The following ENTHD1 variants were observed in gnomAD, a reference collection of about 807,000 sequenced individuals.
The protein encoded by ENTHD1 is ENTH domain-containing protein 1.
In ENTHD1, 23 loss-of-function variants were observed where a neutral mutation model predicts 39.1. The ratio of observed to expected loss-of-function variants is 0.59; its 90% CI spans 0.42 to 0.83. The LOEUF (loss-of-function observed/expected upper bound fraction) is 0.83. Among genes scored for constraint, ENTHD1 ranks in the 40% least tolerant of loss-of-function variants. The probability of loss-of-function intolerance (pLI) is 0.00; values close to 1 mark genes in which losing one functional copy is unlikely to be tolerated. For synonymous variants in ENTHD1, 230 were observed against 258.2 expected (o/e 0.89, Z 1.05); for missense variants, 624 against 705.4 (o/e 0.88, Z 1.31).
At chr22:39,878,059 T>G (rs1435669330) in intron 2 of ENTHD1, among the ~76,000 whole-genome samples, 1 of 152,182 alleles carries the variant, frequency 6.6e-6, no homozygotes, top group Non-Finnish European at 1.5e-5. Context: ...ACAGATAATG[T>G]GGACAGCATG....
At position 39,878,495 on chromosome 22, in the gene ENTHD1, C is replaced by CA. The variant is rs753987042; in HGVS notation, c.349+8904dup. 1.3e-3 allele frequency among the ~76,000 whole-genome samples: 147 copies of CA among 114,336 alleles called. 1 individual carries two copies. The highest frequency in any genetic ancestry group is 5.2e-3 in the East Asian group (21 of 4,030). The allele number at this position is 114,336 out of a possible 152,430, so 75.0% of individuals were successfully genotyped here. A position where few individuals can be genotyped will look rare whatever the true frequency, so the allele number is the denominator to read the frequency against. ...GCAGGATAAATGGAAATTTTTTTTT[C>CA]AAAAAAAAAAAAATACTCCTGAAAG... On this transcript the variant is annotated intron_variant, in intron 2 of 6. Coordinates refer to ENST00000325157, the MANE Select transcript of ENTHD1 (RefSeq NM_152512.4).
chr22:39,872,500 C>T (rs1158566531), intron 2 of ENTHD1, among the ~76,000 whole-genome samples: 4 of 152,136 alleles, frequency 2.6e-5, no homozygotes, highest in African/African-American at 9.7e-5. Context: ...AACAACCTCC[C>T]CCCACTGCCC....
intron 6 of ENTHD1, among the ~76,000 whole-genome samples, chr22:39,759,699 T>C (rs1388389671): frequency 6.6e-6 from 1 of 152,090 alleles, no homozygotes; most frequent in Admixed American, 6.5e-5. Context: ...CTTTCTCATA[T>C]AAGCATTTAA....
chr22:39,892,473 G>A (rs1008642123), intron 1 of ENTHD1, among the ~76,000 whole-genome samples: 1 of 152,240 alleles, frequency 6.6e-6, no homozygotes, highest in South Asian at 2.1e-4. Context: ...AAGGTGTGGA[G>A]CTGCTCTGAA....
intron 6 of ENTHD1, among the ~76,000 whole-genome samples, chr22:39,753,775 C>T (rs951378080): frequency 1.3e-5 from 2 of 152,124 alleles, no homozygotes; most frequent in African/African-American, 4.8e-5. Flanking sequence ...CTGAGTAGTC[C>T]CTAGAACATG....
In ENTHD1 at chr22:39,884,908, G is replaced by A. The variant is rs527605179; in HGVS notation, c.349+2492C>T. On this transcript the variant is annotated intron_variant, in intron 2 of 6. Transcript: ENST00000325157. ...AACTATAAATGTCTTAGAAAAGATAGGTATAAATCTTCATGTTCTTGTATT... is the reference window on the plus strand; with the variant it reads ...AACTATAAATGTCTTAGAAAAGATAAGTATAAATCTTCATGTTCTTGTATT... Among the ~76,000 whole-genome samples the A allele has an allele frequency of 3.9e-5, 6 of 152,284 alleles. No individual in the cohort carries two copies. The East Asian group carries it at 1.2e-3, about 29-fold the overall frequency.
At chr22:39,773,187 C>CATATTT (rs2065341428) in intron 5 of ENTHD1, among the ~76,000 whole-genome samples, 1 of 143,358 alleles carries the variant, frequency 7.0e-6, no homozygotes, top group African/African-American at 2.6e-5. Context: ...CCAACTAAGT[C>CATATTT]ATATTTAGAG....
intron 3 of ENTHD1, among the ~76,000 whole-genome samples, chr22:39,838,887 A>G (rs1207283522): frequency 1.3e-5 from 2 of 152,160 alleles, no homozygotes; most frequent in Non-Finnish European, 2.9e-5. Flanking sequence ...ATATGACTTC[A>G]GAGAGAAAAG....
At chr22:39,819,799 G>T (rs934150618) in intron 5 of ENTHD1, among the ~76,000 whole-genome samples, 24 of 152,186 alleles carry the variant, frequency 1.6e-4, no homozygotes, top group African/African-American at 5.8e-4. Flanking sequence ...CTCTGGTGTG[G>T]AACAGGGGTA....
intron 3 of ENTHD1, among the ~76,000 whole-genome samples, chr22:39,851,568 T>C (rs1337593101): frequency 2.0e-5 from 3 of 152,234 alleles, no homozygotes; most frequent in Non-Finnish European, 2.9e-5. Flanking sequence ...GAAAATCCTA[T>C]TGGACTTAAC....
intron 4 of ENTHD1, 40 bp from the exon 5 acceptor site, chr22:39,821,153 A>AT (rs1241485540): frequency 6.2e-7 from 1 of 1,609,434 alleles, no homozygotes; most frequent in Non-Finnish European, 8.5e-7. Flanking sequence ...GAAGAAAAAA[A>AT]TTAATATCCC....
chr22:39,811,910 C>T (rs961549643), intron 5 of ENTHD1, among the ~76,000 whole-genome samples: 17 of 151,822 alleles, frequency 1.1e-4, no homozygotes, highest in East Asian at 3.9e-4. Context: ...ACCCGGGAGG[C>T]GCAGCTTGCA....
In ENTHD1 at chr22:39,816,458, G is replaced by A. The variant is rs907091312; in HGVS notation, c.832+4535C>T. Among the ~76,000 whole-genome samples, 12 of 152,252 alleles carry A rather than the reference G, an allele frequency of 7.9e-5. No homozygotes were observed. The East Asian group carries it at 1.5e-3, about 20-fold the overall frequency. ...ATAGTATACATTAACACTATGGTAC[G>A]CTGTTATAGTTGTTGCAAAAAATTA... On this transcript the variant is annotated intron_variant, in intron 5 of 6. Coordinates refer to ENST00000325157, the MANE Select transcript of ENTHD1 (RefSeq NM_152512.4).
intron 6 of ENTHD1, among the ~76,000 whole-genome samples, chr22:39,759,038 G>T (rs184323516): frequency 4.6e-5 from 7 of 152,066 alleles, no homozygotes; most frequent in African/African-American, 1.7e-4. Context: ...TTCTACATTT[G>T]TGTAAATTTT....
chr22:39,757,407 C>A (rs1365020773), intron 6 of ENTHD1, among the ~76,000 whole-genome samples: 1 of 152,008 alleles, frequency 6.6e-6, no homozygotes, highest in African/African-American at 2.4e-5. Flanking sequence ...GGAGCTGGGA[C>A]CACAAGGTGT....
rs541398618 is a variant in ENTHD1 at position 39,874,612 on chromosome 22, T to C, written c.350-12605A>G. The C allele has an allele frequency of 5.3e-5, 8 of 150,276 alleles. No individual in the cohort carries two copies. The South Asian group carries it at 1.5e-3, about 27-fold the overall frequency. The allele number at this position is 150,276 out of a possible 1,614,324, so 9.3% of individuals were successfully genotyped here. Reference sequence around the variant, plus strand: ...CTTGTAGGATGGCAGAAAATATCTATAATATGTCTATCTGACAAAGAACTC... The same window carrying C: ...CTTGTAGGATGGCAGAAAATATCTACAATATGTCTATCTGACAAAGAACTC... On this transcript the variant is annotated intron_variant, in intron 2 of 6. Transcript: ENST00000325157.
chr22:39,787,779 T>C (rs563819530), intron 5 of ENTHD1, among the ~76,000 whole-genome samples: 58 of 152,274 alleles, frequency 3.8e-4, no homozygotes, highest in African/African-American at 1.4e-3. Flanking sequence ...AACATAAAAA[T>C]ACAAGGTAAA....
rs376476767 is a variant in ENTHD1, at chr22:39,773,014, T to G, written c.833-7405A>C. 3.3e-3 allele frequency among the ~76,000 whole-genome samples: 487 copies of G among 148,420 alleles called. 10 individuals are homozygous for G. The highest frequency in any genetic ancestry group is 0.012 in the African/African-American group (463 of 40,120). ...GAATTAAAGAACTAGCTAGGCGCAG[T>G]GGCTTATGCCTGTAATCCCAGCATT... On this transcript the variant is annotated intron_variant, in intron 5 of 6. Transcript: ENST00000325157.
At chr22:39,856,293 A>T (rs1217184614) in intron 3 of ENTHD1, among the ~76,000 whole-genome samples, 1 of 151,708 alleles carries the variant, frequency 6.6e-6, no homozygotes, top group Non-Finnish European at 1.5e-5. Flanking sequence ...AAAAAAAAAA[A>T]AAAGAATGTC....
Sources: gnomAD v4.1 joint callset for allele counts (sites outside exome capture counted in the v4.1 genomes callset) on GRCh38, gnomAD v4.1.1 for gene constraint, MANE v1.5 for transcripts, NCBI Gene and HGNC (gene_info 2026-07-23, HGNC 2026-07-21) for gene names.